The following PTPRD variants were observed in gnomAD, a reference collection of about 807,000 sequenced individuals.
PTPRD encodes receptor-type tyrosine-protein phosphatase delta.
A neutral mutation model predicts 214.5 loss-of-function variants in PTPRD; 34 were observed. That is an observed-to-expected ratio of 0.16 (90% CI 0.12 to 0.21). PTPRD has a LOEUF of 0.21. Among genes scored for constraint, PTPRD ranks in the 10% least tolerant of loss-of-function variants. PTPRD has a pLI of 1.00. For missense variants in PTPRD, 2,545 were observed against 2,398.7 expected (o/e 1.06, Z -1.27); for synonymous variants, 1,128 against 845.7 (o/e 1.33, Z -5.79).
At chr9:9,425,916 A>C (rs1461210375) in intron 8 of PTPRD, among the ~76,000 whole-genome samples, 3 of 152,174 alleles carry the variant, frequency 2.0e-5, no homozygotes, top group Non-Finnish European at 2.9e-5. Flanking sequence ...ATCAAAAAGA[A>C]ACACTGGGGG....
chr9:10,356,739 G>A (rs2097286139), intron 2 of PTPRD, among the ~76,000 whole-genome samples: 1 of 151,728 alleles, frequency 6.6e-6, no homozygotes. Flanking sequence ...TAGTGCAGTG[G>A]CACTATTTCA....
intron 30 of PTPRD, among the ~76,000 whole-genome samples, chr9:8,472,643 A>T (rs2096676863): frequency 6.6e-6 from 1 of 152,190 alleles, no homozygotes; most frequent in African/African-American, 2.4e-5. Context: ...AAGAGTGTGA[A>T]ATATCTCAGT....
chr9:8,848,378 C>T (rs1327906219), intron 11 of PTPRD, among the ~76,000 whole-genome samples: 1 of 140,850 alleles, frequency 7.1e-6, no homozygotes, highest in Non-Finnish European at 1.5e-5. Context: ...CTCTGTTATA[C>T]AGACTAGAAT....
intron 9 of PTPRD, among the ~76,000 whole-genome samples, chr9:9,231,084 G>A (rs2099962807): frequency 6.6e-6 from 1 of 152,040 alleles, no homozygotes. Flanking sequence ...GTTCTAACAA[G>A]TTAGGAACAG....
At chr9:9,124,548 A>T (rs1296710510) in intron 10 of PTPRD, among the ~76,000 whole-genome samples, 1 of 152,218 alleles carries the variant, frequency 6.6e-6, no homozygotes, top group Non-Finnish European at 1.5e-5. Flanking sequence ...TCAAGCAATT[A>T]TAGACTCTCA....
chr9:8,648,806 A>C (rs181506066), intron 12 of PTPRD, among the ~76,000 whole-genome samples: 1 of 152,344 alleles, frequency 6.6e-6, no homozygotes, highest in Non-Finnish European at 1.5e-5. Flanking sequence ...TAGACACACT[A>C]TTTGACCAAA....
Position 10,023,974 on chromosome 9 carries a change from A to G in PTPRD, c.-472+9744T>C, listed in dbSNP as rs1400282882. On this transcript the variant is annotated intron_variant, in intron 4 of 45. Transcript: ENST00000381196. ...TGACAGCTTTAATTGATATGCTCTA[A>G]TTATTTTGGTTTAAATTAAATAGCT... is the stretch of plus-strand genomic sequence containing the variant. 3.4e-5 allele frequency among the ~76,000 whole-genome samples: 5 copies of G among 148,902 alleles called. No individual in the cohort carries two copies. In the East Asian group the frequency reaches 9.9e-4, roughly 30 times the overall value.
intron 2 of PTPRD, among the ~76,000 whole-genome samples, chr9:10,545,339 A>G (rs1307878727): frequency 6.6e-6 from 1 of 152,150 alleles, no homozygotes; most frequent in Non-Finnish European, 1.5e-5. Context: ...GTGTGGCTGT[A>G]TTGTTAGATA....
Position 10,497,699 on chromosome 9 carries a change from T to C in PTPRD, c.-600+114699A>G, listed in dbSNP as rs551872356. On this transcript the variant is annotated intron_variant, in intron 2 of 45. Transcript: ENST00000381196. ...CAAATTTATTGTTGAGAATATAAAA[T>C]TATGTTTAAAAAGAAAAGAATATGA... Among the ~76,000 whole-genome samples the C allele has an allele frequency of 1.2e-4, 19 of 152,112 alleles. No homozygotes were observed. The East Asian group carries it at 2.1e-3, about 17-fold the overall frequency.
chr9:9,948,877 G>C lies in PTPRD; in HGVS notation c.-471-10267C>G, dbSNP rs188126275. Among the ~76,000 whole-genome samples, 99 of 152,174 alleles carry C rather than the reference G, an allele frequency of 6.5e-4. No homozygotes were observed. In the Middle Eastern group the frequency reaches 0.014, roughly 21 times the overall value. ...ATAAAAAGATAATTGCAAAGAACAA[G>C]ATATGGCAGTCAAATTTTGAGCTAT... On this transcript the variant is annotated intron_variant, in intron 4 of 45. Transcript: ENST00000381196.
chr9:9,490,496 A>G (rs1237098363), intron 8 of PTPRD, among the ~76,000 whole-genome samples: 1 of 152,054 alleles, frequency 6.6e-6, no homozygotes, highest in Non-Finnish European at 1.5e-5. Flanking sequence ...TTTGTTTACT[A>G]TATAATTTAA....
intron 11 of PTPRD, among the ~76,000 whole-genome samples, chr9:8,881,375 A>T (rs1429464588): frequency 3.9e-5 from 6 of 152,214 alleles, no homozygotes; most frequent in Admixed American, 6.5e-5. Context: ...TAATATATCC[A>T]TTTGGTTAGG....
At chr9:9,826,687 A>T (rs1384915954) in intron 5 of PTPRD, among the ~76,000 whole-genome samples, 1 of 151,980 alleles carries the variant, frequency 6.6e-6, no homozygotes, top group Non-Finnish European at 1.5e-5. Context: ...TAATTTTCAA[A>T]CACTTTTTTA....
At chr9:8,746,659 A>T (rs2092845368) in intron 11 of PTPRD, among the ~76,000 whole-genome samples, 1 of 152,170 alleles carries the variant, frequency 6.6e-6, no homozygotes, top group Non-Finnish European at 1.5e-5. Context: ...CAGCCCATTA[A>T]ACTAAAAGAA....
At chr9:10,339,749 C>T (rs539097938) in intron 3 of PTPRD, among the ~76,000 whole-genome samples, 1 of 151,770 alleles carries the variant, frequency 6.6e-6, no homozygotes, top group African/African-American at 2.4e-5. Context: ...ACCTTGGTCT[C>T]ATTATTTTTT....
chr9:10,054,594 G>T (rs577605221), intron 3 of PTPRD, among the ~76,000 whole-genome samples: 2 of 152,198 alleles, frequency 1.3e-5, no homozygotes, highest in African/African-American at 4.8e-5. Context: ...CAAGGACGTG[G>T]GAGCCATTCC....
chr9:8,449,660 T>C (rs2095860803), intron 34 of PTPRD, 65 bp downstream of exon 34: 1 of 1,414,798 alleles, frequency 7.1e-7, no homozygotes. Context: ...CAACTCTTAA[T>C]ATCAATTGAG....
At chr9:8,632,112 A>G (rs2096271364) in intron 14 of PTPRD, among the ~76,000 whole-genome samples, 1 of 144,126 alleles carries the variant, frequency 6.9e-6, no homozygotes, top group African/African-American at 2.6e-5. Flanking sequence ...AGCCTCTTGA[A>G]TTGCTTCTTT....
intron 9 of PTPRD, among the ~76,000 whole-genome samples, chr9:9,296,157 T>C (rs949072836): frequency 6.6e-6 from 1 of 151,720 alleles, no homozygotes; most frequent in Non-Finnish European, 1.5e-5. Flanking sequence ...AATTCTATGA[T>C]TAACAAAAGG....
Sources: gnomAD v4.1 joint callset for allele counts (sites outside exome capture counted in the v4.1 genomes callset) on GRCh38, gnomAD v4.1.1 for gene constraint, MANE v1.5 for transcripts, NCBI Gene and HGNC (gene_info 2026-07-23, HGNC 2026-07-21) for gene names.